PAICS: variants seen among roughly 807,000 people sequenced by gnomAD.
The protein encoded by PAICS is bifunctional phosphoribosylaminoimidazole carboxylase/phosphoribosylaminoimidazole succinocarboxamide synthetase.
A neutral mutation model predicts 53.7 loss-of-function variants in PAICS; 33 were observed. The observed-to-expected ratio is 0.61, with a 90% confidence interval of 0.47 to 0.82. PAICS has a LOEUF of 0.82. Ranked by LOEUF, PAICS falls within the 40% of genes least tolerant of loss-of-function variation. The probability of loss-of-function intolerance (pLI) is 0.00; values close to 1 mark genes in which losing one functional copy is unlikely to be tolerated. For missense variants in PAICS, 394 were observed against 494.1 expected (o/e 0.80, Z 1.92); for synonymous variants, 141 against 167.2 (o/e 0.84, Z 1.21).
intron 7 of PAICS, among the ~76,000 whole-genome samples, chr4:56,452,442 T>C (rs541031726): frequency 2.6e-5 from 4 of 152,356 alleles, no homozygotes; most frequent in Admixed American, 2.6e-4. Context: ...CCCAAAGTGC[T>C]GGGATTACAG....
At chr4:56,453,849 T>A in intron 8 of PAICS, 88 bp downstream of exon 8, 1 of 892,026 alleles carries the variant, frequency 1.1e-6, no homozygotes, top group Non-Finnish European at 1.7e-6. Context: ...TAAAATCTCA[T>A]GTACCCATGA....
At chr4:56,453,819 C>A in intron 8 of PAICS, 58 bp downstream of exon 8, 1 of 1,211,386 alleles carries the variant, frequency 8.3e-7, no homozygotes, top group Non-Finnish European at 1.2e-6. Flanking sequence ...AGATGCACAA[C>A]AGTAGACAGA....
chr4:56,453,818 A>G (rs1300345654), intron 8 of PAICS, 57 bp downstream of exon 8: 1 of 1,211,786 alleles, frequency 8.3e-7, no homozygotes, highest in Non-Finnish European at 1.2e-6. Flanking sequence ...CAGATGCACA[A>G]CAGTAGACAG....
In PAICS at chr4:56,460,665, T is replaced by A. The variant is rs1719464688; in HGVS notation, c.*1127T>A. Reference sequence around the variant, plus strand: ...GGTTCTCCCGAAGCCTATCCATGGTTTATAGATTAAGAATTGATGAGGTAG... The same window carrying A: ...GGTTCTCCCGAAGCCTATCCATGGTATATAGATTAAGAATTGATGAGGTAG... On this transcript the variant is annotated 3_prime_UTR_variant, in exon 9 of 9. Coordinates refer to ENST00000512576, the MANE Select transcript of PAICS (RefSeq NM_001079524.2). 5.3e-5 allele frequency: 8 copies of A among 152,102 alleles called. No homozygotes were observed. Among genetic ancestry groups the A allele is most frequent in the Admixed American group, 5.2e-4 (8 of 15,258 alleles). The allele number at this position is 152,102 out of a possible 1,614,324, so 9.4% of individuals were successfully genotyped here.
Position 56,443,683 on chromosome 4 carries a change from G to A in PAICS, c.214+1823G>A, listed in dbSNP as rs562855157. On this transcript the variant is annotated intron_variant, in intron 2 of 8. Coordinates refer to ENST00000512576, the MANE Select transcript of PAICS (RefSeq NM_001079524.2). ...CTGACTTTTTATTTGCTTATTTAGTGTATTTTCTGAGTGTATTTACACTCA... is the reference window on the plus strand; with the variant it reads ...CTGACTTTTTATTTGCTTATTTAGTATATTTTCTGAGTGTATTTACACTCA... Among the ~76,000 whole-genome samples the A allele has an allele frequency of 2.2e-3, 336 of 152,216 alleles. 4 individuals are homozygous for A. The highest frequency in any genetic ancestry group is 7.9e-3 in the African/African-American group (328 of 41,534).
chr4:56,453,802 AT>A (rs777269199), intron 8 of PAICS, 41 bp downstream of exon 8: 113 of 1,386,500 alleles, frequency 8.2e-5, no homozygotes, highest in Non-Finnish European at 1.1e-4. Flanking sequence ...CATTACAAGC[AT>A]TTAACAGATG....
At chr4:56,436,448 G>C in intron 1 of PAICS, 120 bp downstream of exon 1, 12 of 872,410 alleles carry the variant, frequency 1.4e-5, no homozygotes, top group Middle Eastern at 2.1e-4. Flanking sequence ...CTAGGCAGCC[G>C]CGCGGGCGCA....
chr4:56,436,479 G>C (rs1040977252), intron 1 of PAICS, 151 bp downstream of exon 1: 3 of 733,738 alleles, frequency 4.1e-6, no homozygotes, highest in Admixed American at 2.0e-5. Flanking sequence ...AGGCGCTCCC[G>C]GGCCTCCCCG....
At chr4:56,436,444 A>G in intron 1 of PAICS, 116 bp downstream of exon 1, 1 of 902,792 alleles carries the variant, frequency 1.1e-6, no homozygotes, top group East Asian at 2.6e-5. Flanking sequence ...GCCTCTAGGC[A>G]GCCGCGCGGG....
At chr4:56,410,593 A>G in the PAICS span, 5 of 986,450 alleles carry the variant, frequency 5.1e-6, no homozygotes, top group Non-Finnish European at 4.8e-6. Context: ...AAAAAAATAT[A>G]CGAAAACAAC....
chr4:56,418,331 T>C, the PAICS span, among the ~76,000 whole-genome samples: 1 of 152,142 alleles, frequency 6.6e-6, no homozygotes, highest in Non-Finnish European at 1.5e-5. Flanking sequence ...TTATTTTATC[T>C]TATTTTGAGA....
rs369448742 is a variant in PAICS, at chr4:56,453,615, C to A, written c.965C>A (p.Pro322His). ...GTCATTTCCCTAGGGGATGGCATTC[C>A]TACTGTATTTGTGGCAGTGGCAGGC... ...IKAEYEGDGI[P>H]TVFVAVAGRS... The change falls in exon 8 of 9, where the codon CCT becomes CAT. Residue 322 changes from proline (P) to histidine (H), a missense_variant. Transcript: ENST00000512576. 1 of 1,593,290 alleles carries A rather than the reference C, an allele frequency of 6.3e-7. No homozygotes were observed. The highest frequency in any genetic ancestry group is 8.6e-7 in the Non-Finnish European group (1 of 1,168,594).
chr4:56,435,255 C>T (rs1438530401), upstream of PAICS: 24 of 1,564,514 alleles, frequency 1.5e-5, no homozygotes, highest in Non-Finnish European at 2.1e-5. Flanking sequence ...GGTCGGTCCT[C>T]CCGGGCCCTC....
At chr4:56,431,400 T>C (rs927435738), upstream of PAICS, 3 of 973,618 alleles carry the variant, frequency 3.1e-6, no homozygotes, top group Non-Finnish European at 3.7e-6. Context: ...CCAGTGGTAA[T>C]GTTCTGTACT....
the PAICS span, chr4:56,416,521 T>C: frequency 5.9e-6 from 1 of 170,030 alleles, no homozygotes; most frequent in African/African-American, 2.4e-5. Flanking sequence ...AAATTGACAA[T>C]TTTTCCTGGA....
the PAICS span, among the ~76,000 whole-genome samples, chr4:56,427,868 T>C: frequency 2.0e-5 from 3 of 152,242 alleles, no homozygotes; most frequent in African/African-American, 7.2e-5. Context: ...ACAGAGAAGA[T>C]CTCTATTGTG....
chr4:56,435,526 AAGC>A (rs1560653841), upstream of PAICS: 1 of 1,611,854 alleles, frequency 6.2e-7, no homozygotes. Flanking sequence ...GCCAAGGTGT[AAGC>A]ACCAACCAGC....
At chr4:56,442,459 G>A (rs999747353) in intron 2 of PAICS, among the ~76,000 whole-genome samples, 6 of 152,182 alleles carry the variant, frequency 3.9e-5, no homozygotes, top group African/African-American at 1.4e-4. Context: ...TCAGAACATT[G>A]TGTGGTGGGT....
chr4:56,454,038 T>C (rs946189886), intron 8 of PAICS, among the ~76,000 whole-genome samples: 6 of 152,220 alleles, frequency 3.9e-5, no homozygotes, highest in Non-Finnish European at 8.8e-5. Context: ...CACTATCTGA[T>C]GCATTAGAAA....
Sources: gnomAD v4.1 joint callset for allele counts (sites outside exome capture counted in the v4.1 genomes callset) on GRCh38, gnomAD v4.1.1 for gene constraint, MANE v1.5 for transcripts, NCBI Gene and HGNC (gene_info 2026-07-23, HGNC 2026-07-21) for gene names.